RPN1: variants seen among roughly 807,000 people sequenced by gnomAD.
RPN1 encodes the protein dolichyl-diphosphooligosaccharide--protein glycosyltransferase subunit 1.
Under a neutral mutation model 55.5 loss-of-function variants are expected in RPN1, and 12 were observed. That is an observed-to-expected ratio of 0.22 (90% CI 0.14 to 0.35). The LOEUF (loss-of-function observed/expected upper bound fraction) is 0.35. RPN1 is among the 10% of genes least tolerant of loss of function. The pLI, the probability that RPN1 is intolerant of heterozygous loss-of-function variation, is 1.00. For synonymous variants in RPN1, 317 were observed against 305.9 expected (o/e 1.04, Z -0.38); for missense variants, 679 against 761.3 (o/e 0.89, Z 1.27).
chr3:128,625,934 G>T lies in RPN1; in HGVS notation c.1215C>A (p.Gly405=). Residue 405 remains glycine (G), a synonymous_variant, in exon 7 of 10, where the codon GGC becomes GGA. Transcript: ENST00000296255. ...TCTTGTAGGCAACAATCACAGGGCG[G>T]CCAAATGTGTCCAGATAGGTGTAGT... The part of the protein sequence containing the change: ...ELHYTYLDTF[G]RPVIVAYKKN... The T allele has an allele frequency of 6.2e-7, 1 of 1,613,794 alleles. No homozygotes were observed.
chr3:128,635,632 T>G (rs369621057), intron 3 of RPN1, among the ~76,000 whole-genome samples: 594 of 29,290 alleles, frequency 0.02, 11 homozygotes, highest in African/African-American at 0.078. Flanking sequence ...TATATATATA[T>G]ATATATAGAT....
chr3:128,621,233 C>A (rs2069556378), intron 9 of RPN1, among the ~76,000 whole-genome samples: 1 of 152,296 alleles, frequency 6.6e-6, no homozygotes, highest in Admixed American at 6.5e-5. Flanking sequence ...AGGCGTGGGC[C>A]AGACACGGTG....
Position 128,620,495 on chromosome 3 carries a change from G to A in RPN1, c.1740C>T (p.Asp580=), listed in dbSNP as rs369340301. The part of the protein sequence containing the change: ...ERLVAGKLKK[D]TYIENEKLIS... The stretch of plus-strand genomic sequence containing the variant: ...TGAGCTTCTCATTCTCAATGTACGT[G>A]TCTTTCTTGAGCTTGCCAGCCACCA... Residue 580 remains aspartate (D), a synonymous_variant, in exon 10 of 10, where the codon GAC becomes GAT. Coordinates refer to ENST00000296255, the MANE Select transcript of RPN1 (RefSeq NM_002950.4). 5.0e-6 allele frequency: 8 copies of A among 1,614,068 alleles called. No homozygotes were observed. In the African/African-American group the frequency reaches 6.7e-5, roughly 13 times the overall value.
intron 5 of RPN1, among the ~76,000 whole-genome samples, chr3:128,629,119 AC>A (rs1200674243): frequency 1.3e-5 from 2 of 152,188 alleles, no homozygotes; most frequent in African/African-American, 2.4e-5. Context: ...AGGAAGAGGT[AC>A]ATGGAACACT....
At chr3:128,622,954 CAGAT>C (rs2069571533) in intron 8 of RPN1, among the ~76,000 whole-genome samples, 1 of 151,012 alleles carries the variant, frequency 6.6e-6, no homozygotes, top group African/African-American at 2.4e-5. Context: ...GTAAGGCAGA[CAGAT>C]AGATGTGAAC....
At chr3:128,640,339 G>A (rs573610659) in intron 2 of RPN1, among the ~76,000 whole-genome samples, 7 of 152,262 alleles carry the variant, frequency 4.6e-5, no homozygotes, top group Non-Finnish European at 7.3e-5. Flanking sequence ...CCTCAAAGGT[G>A]AGAACATGGA....
At chr3:128,626,905 G>A (rs1465769778) in intron 5 of RPN1, 73 bp from the exon 6 acceptor site, 6 of 1,372,604 alleles carry the variant, frequency 4.4e-6, no homozygotes, top group Non-Finnish European at 6.2e-6. Context: ...GAAGTACAGG[G>A]GCTCACATAA....
chr3:128,633,873 C>CT (rs2069658702), intron 3 of RPN1, among the ~76,000 whole-genome samples: 1 of 151,672 alleles, frequency 6.6e-6, no homozygotes, highest in Non-Finnish European at 1.5e-5. Context: ...GTCCCAGATA[C>CT]TAAGGAGGCT....
At chr3:128,644,872 T>C (rs752828333) in intron 2 of RPN1, 47 bp downstream of exon 2, 1 of 1,058,728 alleles carries the variant, frequency 9.4e-7, no homozygotes, top group South Asian at 1.3e-5. Context: ...ATCCCAACCC[T>C]GACATAACCT....
intron 9 of RPN1, among the ~76,000 whole-genome samples, chr3:128,620,847 A>G (rs1336203062): frequency 6.6e-6 from 1 of 152,196 alleles, no homozygotes; most frequent in Non-Finnish European, 1.5e-5. Flanking sequence ...CCTGGGCCTC[A>G]TCTCCATTCT....
chr3:128,620,290 G>T lies in RPN1; in HGVS notation c.*121C>A. On this transcript the variant is annotated 3_prime_UTR_variant, in exon 10 of 10. Transcript: ENST00000296255. ...ACGCAGGGCCTGGTTTCTCTTCCTT[G>T]AAGGCCTTTTACAGATGTCAGCTTT... The T allele has an allele frequency of 1.3e-6, 1 of 759,512 alleles. No homozygotes were observed. Among genetic ancestry groups the T allele is most frequent in the Non-Finnish European group, 1.9e-6 (1 of 513,014 alleles). 47.0% of individuals were successfully genotyped at this position (759,512 alleles called of 1,614,324 possible).
rs929669605 is a variant in RPN1 at position 128,620,722 on chromosome 3, C to T, written c.1642-129G>A. The T allele has an allele frequency of 1.1e-5, 11 of 972,814 alleles. No individual in the cohort carries two copies. In the African/African-American group the frequency reaches 1.8e-4, roughly 16 times the overall value. 60.3% of individuals were successfully genotyped at this position (972,814 alleles called of 1,614,324 possible). The stretch of plus-strand genomic sequence containing the variant: ...TCAGCCACAAATGCAGCCAACAGCA[C>T]AGTGTCCCAGGGCAGCAGGGCTGGC... On this transcript the variant is annotated intron_variant, in intron 9 of 9. Coordinates refer to ENST00000296255, the MANE Select transcript of RPN1 (RefSeq NM_002950.4).
At position 128,649,629 on chromosome 3, in the gene RPN1, T is replaced by C. The variant is rs566299250; in HGVS notation, c.261+911A>G. 6.6e-5 allele frequency among the ~76,000 whole-genome samples: 10 copies of C among 152,346 alleles called. No individual in the cohort carries two copies. In the South Asian group the frequency reaches 1.0e-3, roughly 16 times the overall value. On this transcript the variant is annotated intron_variant, in intron 1 of 9. Coordinates refer to ENST00000296255, the MANE Select transcript of RPN1 (RefSeq NM_002950.4). Reference sequence around the variant, plus strand: ...ATAATTAGGTAATCATTTAATGAAATTGTTTAACAACAATAGTAATAAAAA... The same window carrying C: ...ATAATTAGGTAATCATTTAATGAAACTGTTTAACAACAATAGTAATAAAAA...
chr3:128,620,607 G>A lies in RPN1; in HGVS notation c.1642-14C>T, dbSNP rs1180263017. 2.5e-6 allele frequency: 4 copies of A among 1,611,172 alleles called. 1 individual carries two copies. The Admixed American group carries it at 6.7e-5, about 27-fold the overall frequency. On this transcript the variant is annotated splice_polypyrimidine_tract_variant and intron_variant, in intron 9 of 9. Transcript: ENST00000296255. ...CATTTCGCTCACCTGGCCGAGGCAAGAGCAGGGCAGGACTTGTGAGCTGTC... is the reference window on the plus strand; with the variant it reads ...CATTTCGCTCACCTGGCCGAGGCAAAAGCAGGGCAGGACTTGTGAGCTGTC...
At chr3:128,634,761 CCATGTTGGCCAGGCTGGTCTCGAACT>C (rs1408100029) in intron 3 of RPN1, among the ~76,000 whole-genome samples, 1 of 151,946 alleles carries the variant, frequency 6.6e-6, no homozygotes, top group Admixed American at 6.6e-5. Context: ...CGGGGTTTCA[CCATGTTGGCCAGGCTGGTCTCGAACT>C]CCTGACCTCG....
Position 128,620,336 on chromosome 3 carries a change from C to T in RPN1, c.*75G>A. ...GCTTTCACTGGCCTCCATGCACAAC[C>T]TCCCACTACCACCCAATCTGCCTGC... On this transcript the variant is annotated 3_prime_UTR_variant, in exon 10 of 10. Transcript: ENST00000296255. The T allele has an allele frequency of 1.4e-6, 2 of 1,432,974 alleles. No homozygotes were observed. Among genetic ancestry groups the T allele is most frequent in the South Asian group, 2.8e-5 (2 of 72,468 alleles). 88.8% of individuals were successfully genotyped at this position (1,432,974 alleles called of 1,614,324 possible).
rs751095533 is a variant in RPN1, at chr3:128,624,297, G to A, written c.1395+1237C>T. On this transcript the variant is annotated intron_variant, in intron 8 of 9. Coordinates refer to ENST00000296255, the MANE Select transcript of RPN1 (RefSeq NM_002950.4). ...CAGGAGATTGAGACCATCCTAACAC[G>A]GTGAAACCCCGTCTCTACTAAAAAT... Among the ~76,000 whole-genome samples, 18 of 152,090 alleles carry A rather than the reference G, an allele frequency of 1.2e-4. No homozygotes were observed. In the South Asian group the frequency reaches 1.2e-3, roughly 11 times the overall value.
At chr3:128,646,181 C>T (rs989805400) in intron 1 of RPN1, among the ~76,000 whole-genome samples, 20 of 144,748 alleles carry the variant, frequency 1.4e-4, no homozygotes, top group Non-Finnish European at 2.4e-4. Flanking sequence ...TGAGATCGTG[C>T]CATTGCACTC....
At position 128,637,814 on chromosome 3, in the gene RPN1, C is replaced by A; in HGVS notation, c.618G>T (p.Val206=). The A allele has an allele frequency of 6.2e-7, 1 of 1,612,090 alleles. No individual in the cohort carries two copies. Among genetic ancestry groups the A allele is most frequent in the Non-Finnish European group, 8.5e-7 (1 of 1,179,464 alleles). Reference sequence around the variant, plus strand: ...CTGAGCTTACCTGACTATAGGCAGGCACATCTCTGAAAGGCCCATAATCCA... The same window carrying A: ...CTGAGCTTACCTGACTATAGGCAGGAACATCTCTGAAAGGCCCATAATCCA... ...DLLDYGPFRD[V]PAYSQDTFKV... is the part of the protein sequence containing the mutation. The change falls in exon 3 of 10, where the codon GTG becomes GTT. Residue 206 remains valine, a synonymous_variant. Transcript: ENST00000296255.
Sources: allele counts gnomAD v4.1 joint callset (sites outside exome capture counted in the v4.1 genomes callset), GRCh38; gene constraint gnomAD v4.1.1; transcripts MANE v1.5; gene names NCBI Gene and HGNC (gene_info 2026-07-23, HGNC 2026-07-21).